Variants in SLC44A5 observed in about 807,000 individuals in gnomAD.
The protein encoded by SLC44A5 is choline transporter-like protein 5.
In SLC44A5, 57 loss-of-function variants were observed where a neutral mutation model predicts 101.8. That is an observed-to-expected ratio of 0.56 (90% CI 0.45 to 0.70). SLC44A5 has a LOEUF of 0.70. Ranked by LOEUF, SLC44A5 falls within the 30% of genes least tolerant of loss-of-function variation. The pLI is 0.00. For missense variants in SLC44A5, 737 were observed against 853.1 expected (o/e 0.86, Z 1.70); for synonymous variants, 281 against 290.9 (o/e 0.97, Z 0.35).
chr1:75,472,913 A>T (rs985593349), intron 2 of SLC44A5, among the ~76,000 whole-genome samples: 6 of 152,176 alleles, frequency 3.9e-5, no homozygotes. Flanking sequence ...TCTTACACAT[A>T]TTATAATCTT....
chr1:75,419,705 A>T (rs1663884825), intron 2 of SLC44A5, among the ~76,000 whole-genome samples: 1 of 152,198 alleles, frequency 6.6e-6, no homozygotes, highest in Non-Finnish European at 1.5e-5. Context: ...ATAGGTAAAT[A>T]TAAATACAAT....
At chr1:75,474,039 A>G (rs973897041) in intron 2 of SLC44A5, among the ~76,000 whole-genome samples, 2 of 152,208 alleles carry the variant, frequency 1.3e-5, no homozygotes, top group Admixed American at 6.5e-5. Context: ...TTCTTCAAAA[A>G]TATATGTTAA....
intron 1 of SLC44A5, among the ~76,000 whole-genome samples, chr1:75,559,438 A>G (rs1672397024): frequency 6.6e-6 from 1 of 152,158 alleles, no homozygotes; most frequent in African/African-American, 2.4e-5. Context: ...TATCATGGTC[A>G]GTTAGCACCA....
chr1:75,399,992 C>G (rs1184738821), intron 2 of SLC44A5, among the ~76,000 whole-genome samples: 1 of 152,178 alleles, frequency 6.6e-6, no homozygotes, highest in Non-Finnish European at 1.5e-5. Context: ...CCATGGAATA[C>G]TAAGCCGCTG....
At chr1:75,398,715 C>G (rs1178379685) in intron 2 of SLC44A5, among the ~76,000 whole-genome samples, 3 of 152,032 alleles carry the variant, frequency 2.0e-5, no homozygotes, top group African/African-American at 7.2e-5. Flanking sequence ...TCAAAAAAAG[C>G]AAAGTTCATA....
At chr1:75,504,425 A>T (rs184800975) in intron 2 of SLC44A5, among the ~76,000 whole-genome samples, 15 of 152,242 alleles carry the variant, frequency 9.9e-5, no homozygotes, top group African/African-American at 3.6e-4. Flanking sequence ...AGCTGCTATC[A>T]TATAATGATG....
chr1:75,686,945 G>T, the SLC44A5 span, among the ~76,000 whole-genome samples: 1 of 152,216 alleles, frequency 6.6e-6, no homozygotes, highest in Admixed American at 6.5e-5. Flanking sequence ...TGATTCCAAG[G>T]TTGTTTAATC....
intron 2 of SLC44A5, among the ~76,000 whole-genome samples, chr1:75,537,323 C>A (rs555708410): frequency 7.2e-4 from 110 of 152,100 alleles, no homozygotes; most frequent in Non-Finnish European, 1.0e-3. Flanking sequence ...GAAAATCTAT[C>A]CCTCATCAGT....
intron 11 of SLC44A5, among the ~76,000 whole-genome samples, chr1:75,235,598 T>C (rs1648004039): frequency 6.6e-6 from 1 of 152,014 alleles, no homozygotes; most frequent in Non-Finnish European, 1.5e-5. Context: ...ACTGTAATTG[T>C]TTAGGACAAA....
the SLC44A5 span, among the ~76,000 whole-genome samples, chr1:75,722,096 A>C: frequency 5.9e-3 from 892 of 152,348 alleles, 9 homozygotes; most frequent in African/African-American, 0.021. Context: ...TACAACCTAC[A>C]GATCTGAGAA....
chr1:75,668,537 G>C, the SLC44A5 span, among the ~76,000 whole-genome samples: 1 of 150,726 alleles, frequency 6.6e-6, no homozygotes, highest in Non-Finnish European at 1.5e-5. Flanking sequence ...TGGTCAGCTG[G>C]TCTCCAGCTC....
intron 3 of SLC44A5, among the ~76,000 whole-genome samples, chr1:75,362,903 C>T (rs1172700618): frequency 6.6e-6 from 1 of 151,880 alleles, no homozygotes; most frequent in African/African-American, 2.4e-5. Flanking sequence ...GATGATTTGT[C>T]CATTGTTGAA....
chr1:75,419,818 A>G (rs1320804720), intron 2 of SLC44A5, among the ~76,000 whole-genome samples: 1 of 152,194 alleles, frequency 6.6e-6, no homozygotes, highest in African/African-American at 2.4e-5. Flanking sequence ...ATGTGCAACA[A>G]TAATTAGATC....
chr1:75,549,271 C>CA (rs1671812404), intron 1 of SLC44A5, among the ~76,000 whole-genome samples: 1 of 152,078 alleles, frequency 6.6e-6, no homozygotes, highest in Non-Finnish European at 1.5e-5. Context: ...AATACTAAGG[C>CA]TAGGACTGTA....
At chr1:75,702,661 G>A in the SLC44A5 span, among the ~76,000 whole-genome samples, 2 of 152,094 alleles carry the variant, frequency 1.3e-5, no homozygotes, top group African/African-American at 4.8e-5. Context: ...TGACAAATGG[G>A]ATCTAATTAA....
chr1:75,383,727 G>C (rs1465853333), intron 3 of SLC44A5, among the ~76,000 whole-genome samples: 2 of 152,036 alleles, frequency 1.3e-5, no homozygotes, highest in Admixed American at 6.5e-5. Context: ...TACTCCTCGA[G>C]AACAGCAACT....
chr1:75,523,407 C>T (rs933942922), intron 2 of SLC44A5, among the ~76,000 whole-genome samples: 1 of 152,048 alleles, frequency 6.6e-6, no homozygotes, highest in South Asian at 2.1e-4. Flanking sequence ...CCACCTCCCA[C>T]GTTCAAGCCA....
chr1:75,238,184 A>T (rs1648280574), intron 10 of SLC44A5, among the ~76,000 whole-genome samples: 1 of 147,652 alleles, frequency 6.8e-6, no homozygotes, highest in African/African-American at 2.5e-5. Context: ...AATCCCAGCT[A>T]GTCAGGAGGC....
At chr1:75,394,067 A>T (rs1661967611) in intron 3 of SLC44A5, among the ~76,000 whole-genome samples, 1 of 152,146 alleles carries the variant, frequency 6.6e-6, no homozygotes, top group South Asian at 2.1e-4. Flanking sequence ...GTCAGAGAAA[A>T]TGCATCCTGG....
Sources: gnomAD v4.1 joint callset for allele counts (sites outside exome capture counted in the v4.1 genomes callset) on GRCh38, gnomAD v4.1.1 for gene constraint, MANE v1.5 for transcripts, NCBI Gene and HGNC (gene_info 2026-07-23, HGNC 2026-07-21) for gene names.